Variants in CAMK1D observed in about 807,000 individuals in gnomAD.
CAMK1D encodes calcium/calmodulin-dependent protein kinase type 1D.
CAMK1D carries 9 observed loss-of-function variants against 47.7 expected under a neutral mutation model. That is an observed-to-expected ratio of 0.19 (90% CI 0.11 to 0.33). The LOEUF is 0.33. CAMK1D is among the 10% of genes least tolerant of loss of function. The probability of loss-of-function intolerance (pLI) is 1.00; values close to 1 mark genes in which losing one functional copy is unlikely to be tolerated. For missense variants in CAMK1D, 291 were observed against 488.7 expected (o/e 0.60, Z 3.81); for synonymous variants, 184 against 184.9 (o/e 0.99, Z 0.04).
intron 2 of CAMK1D, among the ~76,000 whole-genome samples, chr10:12,626,475 CTTTT>C (rs35033817): frequency 7.3e-6 from 1 of 136,294 alleles, no homozygotes; most frequent in Non-Finnish European, 1.6e-5. Flanking sequence ...TTCTTTCTTT[CTTTT>C]TTTTTTTTTT....
At chr10:12,695,060 A>ATAGATAGATACATAGG (rs1554811991) in intron 3 of CAMK1D, among the ~76,000 whole-genome samples, 13,331 of 85,238 alleles carry the variant, frequency 0.16, 647 homozygotes, top group Admixed American at 0.17. Context: ...AGATAGATAG[A>ATAGATAGATACATAGG]TAGATACATA....
chr10:12,624,756 A>G (rs990344589), intron 2 of CAMK1D, among the ~76,000 whole-genome samples: 1 of 152,114 alleles, frequency 6.6e-6, no homozygotes, highest in Admixed American at 6.5e-5. Context: ...GGTGAGGCCA[A>G]TTCAGCTATA....
intron 1 of CAMK1D, among the ~76,000 whole-genome samples, chr10:12,445,282 A>T (rs1330899483): frequency 6.6e-6 from 1 of 152,196 alleles, no homozygotes; most frequent in Non-Finnish European, 1.5e-5. Flanking sequence ...GGCCAAGAGG[A>T]AGGTCCTCCA....
rs969013107 is a variant in CAMK1D, at chr10:12,492,376, G to A, written c.93-60849G>A. On this transcript the variant is annotated intron_variant, in intron 1 of 10. Transcript: ENST00000619168. ...AAAAAAAAAAAAAAAGAAAAGACTGGGTGCAGTGGCTCATACCTGCCATCC... is the reference window on the plus strand; with the variant it reads ...AAAAAAAAAAAAAAAGAAAAGACTGAGTGCAGTGGCTCATACCTGCCATCC... 9.2e-5 allele frequency among the ~76,000 whole-genome samples: 14 copies of A among 151,834 alleles called. 1 individual carries two copies. Among genetic ancestry groups the A allele is most frequent in the African/African-American group, 3.4e-4 (14 of 41,334 alleles).
intron 6 of CAMK1D, among the ~76,000 whole-genome samples, chr10:12,805,789 C>A (rs529870561): frequency 4.5e-4 from 68 of 152,338 alleles, no homozygotes; most frequent in African/African-American, 1.5e-3. Flanking sequence ...CCTTGAAACA[C>A]AGGCATTTAA....
intron 1 of CAMK1D, among the ~76,000 whole-genome samples, chr10:12,357,099 G>T (rs1014814583): frequency 4.6e-4 from 70 of 152,184 alleles, no homozygotes; most frequent in African/African-American, 1.6e-3. Context: ...CTTAGGCATG[G>T]GTCCAGCGGA....
intron 1 of CAMK1D, among the ~76,000 whole-genome samples, chr10:12,417,452 A>G (rs1196860214): frequency 6.6e-6 from 1 of 152,248 alleles, no homozygotes; most frequent in Non-Finnish European, 1.5e-5. Context: ...GATCCCTTAC[A>G]GAGCAAGAGG....
chr10:12,668,589 G>A (rs45600334), intron 3 of CAMK1D, among the ~76,000 whole-genome samples: 5,378 of 152,282 alleles, frequency 0.035, 125 homozygotes, highest in African/African-American at 0.062. Flanking sequence ...GGAGAAAAGT[G>A]TAGGAAGTAA....
At chr10:12,511,573 C>T (rs537949549) in intron 1 of CAMK1D, among the ~76,000 whole-genome samples, 7 of 152,290 alleles carry the variant, frequency 4.6e-5, no homozygotes, top group African/African-American at 1.7e-4. Flanking sequence ...ATCGCTCCAC[C>T]ACACTCTAGC....
intron 1 of CAMK1D, among the ~76,000 whole-genome samples, chr10:12,442,911 AT>A (rs1327785687): frequency 2.0e-5 from 3 of 152,168 alleles, no homozygotes; most frequent in Non-Finnish European, 4.4e-5. Context: ...GTGATGGCAA[AT>A]TTCAGGCCAA....
At chr10:12,582,488 A>T (rs1323347428) in intron 2 of CAMK1D, among the ~76,000 whole-genome samples, 1 of 152,108 alleles carries the variant, frequency 6.6e-6, no homozygotes, top group Non-Finnish European at 1.5e-5. Context: ...CATAATATTG[A>T]TTCTACCTAT....
chr10:12,598,629 A>G (rs1838213406), intron 2 of CAMK1D, among the ~76,000 whole-genome samples: 1 of 152,178 alleles, frequency 6.6e-6, no homozygotes, highest in Non-Finnish European at 1.5e-5. Context: ...GTCATAGAGC[A>G]TCACTGTCTG....
chr10:12,516,051 A>G (rs943074627), intron 1 of CAMK1D, among the ~76,000 whole-genome samples: 3 of 152,242 alleles, frequency 2.0e-5, no homozygotes, highest in East Asian at 1.9e-4. Context: ...AAGCCATTGT[A>G]TGGTGGTGAA....
chr10:12,389,465 G>C (rs1838645302), intron 1 of CAMK1D, among the ~76,000 whole-genome samples: 1 of 152,166 alleles, frequency 6.6e-6, no homozygotes, highest in African/African-American at 2.4e-5. Flanking sequence ...AGCACCACAG[G>C]GTCGAGGGCT....
intron 2 of CAMK1D, among the ~76,000 whole-genome samples, chr10:12,630,392 A>G (rs78829144): frequency 0.02 from 2,991 of 146,550 alleles, 101 homozygotes; most frequent in African/African-American, 0.072. Flanking sequence ...TTTTTTTAAA[A>G]AAAAGACAGG....
At chr10:12,574,350 G>A (rs1837423858) in intron 2 of CAMK1D, among the ~76,000 whole-genome samples, 1 of 151,440 alleles carries the variant, frequency 6.6e-6, no homozygotes, top group African/African-American at 2.4e-5. Flanking sequence ...CGCCTGGGCT[G>A]GAGTGCAGTG....
intron 2 of CAMK1D, among the ~76,000 whole-genome samples, chr10:12,643,819 G>A (rs1396212514): frequency 6.6e-6 from 1 of 151,672 alleles, no homozygotes; most frequent in African/African-American, 2.4e-5. Context: ...GGGGGGCGGA[G>A]GTTGCAGTGA....
intron 1 of CAMK1D, among the ~76,000 whole-genome samples, chr10:12,406,721 T>TAAAAA: frequency 6.8e-5 from 1 of 14,628 alleles, no homozygotes; most frequent in African/African-American, 2.0e-4. Context: ...AGACCCTGTC[T>TAAAAA]CAAAAAAAAA....
At chr10:12,577,806 C>T (rs1837538095) in intron 2 of CAMK1D, among the ~76,000 whole-genome samples, 1 of 152,168 alleles carries the variant, frequency 6.6e-6, no homozygotes, top group South Asian at 2.1e-4. Flanking sequence ...AAGATTATGC[C>T]CATTTTCCTC....
Sources: gnomAD v4.1 joint callset for allele counts (sites outside exome capture counted in the v4.1 genomes callset) on GRCh38, gnomAD v4.1.1 for gene constraint, MANE v1.5 for transcripts, NCBI Gene and HGNC (gene_info 2026-07-23, HGNC 2026-07-21) for gene names.